B4GALNT3: variants seen among roughly 807,000 people sequenced by gnomAD.
B4GALNT3 encodes beta-1,4-N-acetylgalactosaminyltransferase 3.
In B4GALNT3, 86 loss-of-function variants were observed where a neutral mutation model predicts 120.2. The observed-to-expected ratio is 0.72, with a 90% CI of 0.60 to 0.86. B4GALNT3 has a LOEUF of 0.86. Among genes scored for constraint, B4GALNT3 ranks in the 40% least tolerant of loss-of-function variants. The pLI is 0.00. For missense variants in B4GALNT3, 1,167 were observed against 1,298.9 expected, an observed-to-expected ratio of 0.90 and a Z score of 1.56; for synonymous variants, 518 against 510.4, an observed-to-expected ratio of 1.01 and a Z score of -0.20.
intron 1 of B4GALNT3, among the ~76,000 whole-genome samples, chr12:466,468 C>G (rs772718015): frequency 2.6e-5 from 4 of 152,218 alleles, no homozygotes; most frequent in Non-Finnish European, 5.9e-5. Flanking sequence ...ATTATGTGGT[C>G]TCAACTAGGC....
At chr12:496,733 A>C (rs568111160) in intron 1 of B4GALNT3, among the ~76,000 whole-genome samples, 13 of 151,952 alleles carry the variant, frequency 8.6e-5, no homozygotes, top group African/African-American at 2.2e-4. Context: ...CGCGTTAAGC[A>C]GTCACTCCTT....
chr12:515,136 T>C (rs1946639587), intron 1 of B4GALNT3, among the ~76,000 whole-genome samples: 1 of 152,192 alleles, frequency 6.6e-6, no homozygotes, highest in African/African-American at 2.4e-5. Context: ...TTTCCTCATC[T>C]GTGAAAGGAA....
intron 1 of B4GALNT3, among the ~76,000 whole-genome samples, chr12:493,080 CAATT>C (rs1946358181): frequency 6.6e-6 from 1 of 152,106 alleles, no homozygotes; most frequent in African/African-American, 2.4e-5. Context: ...CCATGAGAAA[CAATT>C]GATAAGCTAG....
chr12:537,669 G>C (rs993131846), intron 3 of B4GALNT3, among the ~76,000 whole-genome samples: 1 of 152,224 alleles, frequency 6.6e-6, no homozygotes, highest in African/African-American at 2.4e-5. Flanking sequence ...GTAGCACGGT[G>C]CTTTGGGGAT....
At chr12:509,026 A>G (rs1231499992) in intron 1 of B4GALNT3, among the ~76,000 whole-genome samples, 2 of 152,168 alleles carry the variant, frequency 1.3e-5, no homozygotes, top group Non-Finnish European at 1.5e-5. Context: ...GATACACTCT[A>G]CTGGTTTTTC....
chr12:543,508 TC>T (rs1404102322), intron 3 of B4GALNT3, among the ~76,000 whole-genome samples: 1 of 73,602 alleles, frequency 1.4e-5, no homozygotes, highest in Admixed American at 1.2e-4. Flanking sequence ...GGGGTGCTCA[TC>T]CTCCTGGAAC....
chr12:545,113 T>A, intron 5 of B4GALNT3, 141 bp downstream of exon 5: 3 of 1,454,848 alleles, frequency 2.1e-6, no homozygotes, highest in Non-Finnish European at 2.7e-6. Context: ...AATTGAGTCA[T>A]ATTGCGGTCT....
At chr12:503,850 C>T (rs767115775) in intron 1 of B4GALNT3, among the ~76,000 whole-genome samples, 17 of 152,172 alleles carry the variant, frequency 1.1e-4, no homozygotes, top group Non-Finnish European at 1.9e-4. Context: ...CATGGTGGCT[C>T]ACGCCTGTAA....
At chr12:540,995 A>G (rs886974215) in intron 3 of B4GALNT3, among the ~76,000 whole-genome samples, 17 of 152,186 alleles carry the variant, frequency 1.1e-4, no homozygotes, top group Non-Finnish European at 2.2e-4. Context: ...CGCCCGCCTC[A>G]GCCTCCCAAA....
intron 1 of B4GALNT3, among the ~76,000 whole-genome samples, chr12:521,384 G>T (rs531541460): frequency 2.6e-5 from 4 of 152,212 alleles, no homozygotes; most frequent in African/African-American, 2.4e-5. Context: ...CCGGGTCACT[G>T]GGTGGCTGTT....
At chr12:532,708 A>G (rs2120655422) in intron 1 of B4GALNT3, among the ~76,000 whole-genome samples, 1 of 152,330 alleles carries the variant, frequency 6.6e-6, no homozygotes, top group East Asian at 1.9e-4. Context: ...TGGACTAGGT[A>G]GGCCCAGGAC....
At chr12:500,140 T>A (rs1000279636) in intron 1 of B4GALNT3, among the ~76,000 whole-genome samples, 2 of 151,950 alleles carry the variant, frequency 1.3e-5, no homozygotes, top group Non-Finnish European at 1.5e-5. Flanking sequence ...GCAGCTTTTT[T>A]TTTTACGTTT....
At chr12:505,650 T>C (rs1392617202) in intron 1 of B4GALNT3, among the ~76,000 whole-genome samples, 1 of 152,246 alleles carries the variant, frequency 6.6e-6, no homozygotes, top group African/African-American at 2.4e-5. Flanking sequence ...TCCCACTGCA[T>C]GAAGTATTGT....
intron 1 of B4GALNT3, among the ~76,000 whole-genome samples, chr12:507,531 G>A (rs934167394): frequency 1.4e-4 from 22 of 152,326 alleles, no homozygotes; most frequent in African/African-American, 4.8e-4. Context: ...CAGAGAAAAG[G>A]AGCCACGTGG....
At chr12:506,865 T>C (rs985797563) in intron 1 of B4GALNT3, among the ~76,000 whole-genome samples, 6 of 152,216 alleles carry the variant, frequency 3.9e-5, no homozygotes, top group Admixed American at 3.9e-4. Context: ...CTCGATCTCC[T>C]GACCTCGTGA....
chr12:506,785 T>G (rs57805379), intron 1 of B4GALNT3, among the ~76,000 whole-genome samples: 1 of 151,992 alleles, frequency 6.6e-6, no homozygotes, highest in South Asian at 2.1e-4. Flanking sequence ...TACAGACACA[T>G]ACCACCACGC....
At chr12:513,156 CCTTCCA>C (rs1946614893) in intron 1 of B4GALNT3, among the ~76,000 whole-genome samples, 1 of 150,548 alleles carries the variant, frequency 6.6e-6, no homozygotes, top group Non-Finnish European at 1.5e-5. Flanking sequence ...CGACCTTCCA[CCTTCCA>C]CCTTCCACCT....
intron 1 of B4GALNT3, among the ~76,000 whole-genome samples, chr12:511,461 A>T (rs1335197397): frequency 2.0e-5 from 1 of 50,690 alleles, no homozygotes; most frequent in Admixed American, 2.3e-4. Context: ...ACCTTCTTCC[A>T]CCTTCCACCT....
intron 1 of B4GALNT3, among the ~76,000 whole-genome samples, chr12:516,282 TAGAA>T (rs148191850): frequency 0.075 from 11,472 of 152,058 alleles, 477 homozygotes; most frequent in Middle Eastern, 0.12. Context: ...AATACAGAGT[TAGAA>T]AGAGAGTGAT....
Sources: gnomAD v4.1 joint callset for allele counts (sites outside exome capture counted in the v4.1 genomes callset) on GRCh38, gnomAD v4.1.1 for gene constraint, MANE v1.5 for transcripts, NCBI Gene and HGNC (gene_info 2026-07-23, HGNC 2026-07-21) for gene names.